Variants in PSG1 observed in about 807,000 individuals in gnomAD.
PSG1 encodes the protein pregnancy-specific beta-1-glycoprotein 1.
Under a neutral mutation model 41.4 loss-of-function variants are expected in PSG1, and 60 were observed. The ratio of observed to expected loss-of-function variants is 1.45; its 90% CI spans 1.18 to 1.80. The LOEUF is 1.80. PSG1 is among the 40% of genes most tolerant of loss of function. The pLI, the probability that PSG1 is intolerant of heterozygous loss-of-function variation, is 0.00. For missense variants in PSG1, 806 were observed against 516.9 expected (o/e 1.56, Z -5.42); for synonymous variants, 256 against 192.9 (o/e 1.33, Z -2.71).
chr19:42,866,809 C>T lies in PSG1; in HGVS notation c.*325G>A, dbSNP rs536280302. ...AATTCTAATGACTGCATTATCCTGC[C>T]AAGTGAAAGAGGCAGGCATGAGCAA... is the stretch of plus-strand genomic sequence containing the variant. On this transcript the variant is annotated 3_prime_UTR_variant, in exon 6 of 6. Transcript: ENST00000436291. The T allele has an allele frequency of 2.4e-5, 14 of 577,962 alleles. No individual in the cohort carries two copies. The highest frequency in any genetic ancestry group is 5.9e-5 in the Admixed American group (2 of 33,948). 35.8% of individuals were successfully genotyped at this position (577,962 alleles called of 1,614,324 possible).
At position 42,868,928 on chromosome 19, in the gene PSG1, A is replaced by C. The variant is rs151175915; in HGVS notation, c.816T>G (p.Ile272Met). ...GGAGGCTCTGACCATTTAGCCACCA[A>C]ATGTAGGTGTAGTTCTCACTCTTAG... Reference protein sequence around the residue: ...CEPKSENYTYIWWLNGQSLPV... With the variant: ...CEPKSENYTYMWWLNGQSLPV... The change falls in exon 4 of 6, where the codon ATT (isoleucine) becomes ATG (methionine). Residue 272 changes from isoleucine (I) to methionine (M), a missense_variant. By Grantham distance (10) the Ile-to-Met change is conservative. Coordinates refer to ENST00000436291, the MANE Select transcript of PSG1 (RefSeq NM_001184825.2). The C allele has an allele frequency of 4.4e-3, 7,008 of 1,610,250 alleles. 332 individuals are homozygous for C. The African/African-American group carries it at 0.082, about 19-fold the overall frequency.
rs905620248 is a variant in PSG1 at position 42,877,860 on chromosome 19, A to T, written c.430+53T>A. ...AGGCCTGACAATCCTGTGTGTGTGA[A>T]GTAGAAGTGACCCCTGTCCCCCAAC... On this transcript the variant is annotated intron_variant, in intron 2 of 5. Coordinates refer to ENST00000436291, the MANE Select transcript of PSG1 (RefSeq NM_001184825.2). 6.9e-5 allele frequency: 111 copies of T among 1,611,198 alleles called. 3 individuals carry two copies. Among genetic ancestry groups the T allele is most frequent in the Non-Finnish European group, 8.8e-5 (104 of 1,178,222 alleles).
Position 42,868,370 on chromosome 19 carries a change from A to G in PSG1, c.989-15T>C, listed in dbSNP as rs761306616. 4 of 1,598,880 alleles carry G rather than the reference A, an allele frequency of 2.5e-6. No homozygotes were observed. The highest frequency in any genetic ancestry group is 4.5e-5 in the East Asian group (2 of 44,670). On this transcript the variant is annotated splice_polypyrimidine_tract_variant and intron_variant, in intron 4 of 5. Coordinates refer to ENST00000436291, the MANE Select transcript of PSG1 (RefSeq NM_001184825.2). The stretch of plus-strand genomic sequence containing the variant: ...GTCTGGACCATCTGGAGCAAAGAGA[A>G]TAAAGCCACAGGTGATGTCATCTGA...
At chr19:42,872,876 G>A (rs975308448) in intron 2 of PSG1, among the ~76,000 whole-genome samples, 1 of 151,818 alleles carries the variant, frequency 6.6e-6, no homozygotes, top group Non-Finnish European at 1.5e-5. Context: ...TGGTGGAAAG[G>A]GCGATCATGA....
chr19:42,878,069 C>A lies in PSG1; in HGVS notation c.274G>T (p.Gly92Trp). 1 of 1,612,280 alleles carries A rather than the reference C, an allele frequency of 6.2e-7. No homozygotes were observed. Among genetic ancestry groups the A allele is most frequent in the Non-Finnish European group, 8.5e-7 (1 of 1,179,134 alleles). ...GTTTCTCGTCCACTATATGCAGGCC[C>A]ATATATAATTATTTCACCGTCTACT... is the stretch of plus-strand genomic sequence containing the variant. The part of the protein sequence containing the change: ...YVVDGEIIIY[G>W]PAYSGRETAY... The change falls in exon 2 of 6, where the codon GGG becomes TGG. Residue 92 changes from glycine (G) to tryptophan (W), a missense_variant. Transcript: ENST00000436291.
Position 42,867,001 on chromosome 19 carries a change from T to C in PSG1, c.*133A>G. On this transcript the variant is annotated 3_prime_UTR_variant, in exon 6 of 6. Transcript: ENST00000436291. ...TTGGTGAGTTCTGAGTGGCTCATGCTTCACGTACAAGGGTTTTCCCATGAA... is the reference window on the plus strand; with the variant it reads ...TTGGTGAGTTCTGAGTGGCTCATGCCTCACGTACAAGGGTTTTCCCATGAA... 1.3e-6 allele frequency: 1 copy of C among 764,624 alleles called. No individual in the cohort carries two copies. The highest frequency in any genetic ancestry group is 2.4e-6 in the Non-Finnish European group (1 of 417,196). 47.4% of individuals were successfully genotyped at this position (764,624 alleles called of 1,614,324 possible).
intron 3 of PSG1, 47 bp from the exon 4 acceptor site, chr19:42,869,081 T>C: frequency 6.3e-7 from 1 of 1,596,182 alleles, no homozygotes; most frequent in Admixed American, 1.7e-5. Flanking sequence ...CACCTTTGAT[T>C]CCTCCACAGG....
chr19:42,871,744 A>T, intron 3 of PSG1, 23 bp downstream of exon 3: 2 of 1,612,670 alleles, frequency 1.2e-6, no homozygotes, highest in South Asian at 2.2e-5. Context: ...AGCCTGGCTC[A>T]CAGAGGAACA....
chr19:42,870,979 T>C (rs768575473), intron 3 of PSG1, among the ~76,000 whole-genome samples: 15 of 151,454 alleles, frequency 9.9e-5, no homozygotes, highest in Non-Finnish European at 1.6e-4. Context: ...GGTTTTGGAG[T>C]AGAAACATAT....
chr19:42,877,933 C>T lies in PSG1; in HGVS notation c.410G>A (p.Arg137His), dbSNP rs1071707. Residue 137 changes from arginine (R) to histidine (H), a missense_variant, in exon 2 of 6, where the codon CGT (arginine) becomes CAT (histidine). Coordinates refer to ENST00000436291, the MANE Select transcript of PSG1 (RefSeq NM_001184825.2). ...GDDGTRGVTG[R>H]FTFTLHLETP... ...CTTACGGTGTAAGGTGAAGGTGAAACGTCCAGTTACTCCTCTAGTCCCATC... is the reference window on the plus strand; with the variant it reads ...CTTACGGTGTAAGGTGAAGGTGAAATGTCCAGTTACTCCTCTAGTCCCATC... The T allele has an allele frequency of 2.0e-4, 316 of 1,612,164 alleles. 9 individuals are homozygous for T. The highest frequency in any genetic ancestry group is 4.0e-4 in the African/African-American group (30 of 74,760).
chr19:42,876,314 C>A (rs1021051388), intron 2 of PSG1, among the ~76,000 whole-genome samples: 3 of 151,312 alleles, frequency 2.0e-5, no homozygotes, highest in Non-Finnish European at 3.0e-5. Flanking sequence ...GTTCCATAGT[C>A]CAGGACCAAG....
At chr19:42,867,948 T>C in intron 5 of PSG1, 153 bp downstream of exon 5, 2 of 1,564,350 alleles carry the variant, frequency 1.3e-6, no homozygotes, top group African/African-American at 1.4e-5. Flanking sequence ...TCGAAGTTCT[T>C]AGACAAATTT....
At chr19:42,871,417 T>A (rs1424039511) in intron 3 of PSG1, among the ~76,000 whole-genome samples, 1 of 151,588 alleles carries the variant, frequency 6.6e-6, no homozygotes. Flanking sequence ...GGGAAAATCC[T>A]GGTCTGTGGA....
intron 2 of PSG1, among the ~76,000 whole-genome samples, chr19:42,874,736 G>A (rs779330797): frequency 1.1e-4 from 17 of 151,508 alleles, no homozygotes; most frequent in Non-Finnish European, 1.5e-4. Flanking sequence ...CTTGTTATAC[G>A]CCTGTCAGGA....
rs532862268 is a variant in PSG1, at chr19:42,866,824, G to T, written c.*310C>A. 1.4e-4 allele frequency: 85 copies of T among 591,844 alleles called. No individual in the cohort carries two copies. The highest frequency in any genetic ancestry group is 2.3e-4 in the Non-Finnish European group (76 of 330,728). 36.7% of individuals were successfully genotyped at this position (591,844 alleles called of 1,614,324 possible). Reference sequence around the variant, plus strand: ...ATTATCCTGCCAAGTGAAAGAGGCAGGCATGAGCAAGGACAGTTAAGAGGG... The same window carrying T: ...ATTATCCTGCCAAGTGAAAGAGGCATGCATGAGCAAGGACAGTTAAGAGGG... On this transcript the variant is annotated 3_prime_UTR_variant, in exon 6 of 6. Coordinates refer to ENST00000436291, the MANE Select transcript of PSG1 (RefSeq NM_001184825.2).
chr19:42,871,637 G>C, intron 3 of PSG1, 130 bp downstream of exon 3: 1 of 1,604,330 alleles, frequency 6.2e-7, no homozygotes, highest in Non-Finnish European at 8.5e-7. Flanking sequence ...GGGGCACAAA[G>C]TCATGGCCAG....
Position 42,877,917 on chromosome 19 carries a change from TA to T in PSG1, c.425del (p.Leu142TyrfsTer15). 1 of 1,612,084 alleles carries T rather than the reference TA, an allele frequency of 6.2e-7. No individual in the cohort carries two copies. The highest frequency in any genetic ancestry group is 1.1e-5 in the South Asian group (1 of 90,782). ...GGATCATGTGGAATCACTTACGGTG[TA>T]AGGTGAAGGTGAAACGTCCAGTTAC... ...RGVTGRFTFTLHLETPKPSIS... is the reference protein window; with the variant it reads ...RGVTGRFTFTXHLETPKPSIS... On this transcript the variant is annotated frameshift_variant, in exon 2 of 6. Transcript: ENST00000436291. LOFTEE classifies it high-confidence loss of function.
rs1971275068 is a variant in PSG1, at chr19:42,869,173, A to G, written c.710-139T>C. The G allele has an allele frequency of 8.0e-6, 12 of 1,498,216 alleles. No individual in the cohort carries two copies. In the East Asian group the frequency reaches 2.5e-4, roughly 31 times the overall value. The allele number at this position is 1,498,216 out of a possible 1,614,324, so 92.8% of individuals were successfully genotyped here. ...GCCAATAGCTGGTGCTTTTGTCACA[A>G]GATAGATGCATGATGATCTAAGGGC... On this transcript the variant is annotated intron_variant, in intron 3 of 5. Coordinates refer to ENST00000436291, the MANE Select transcript of PSG1 (RefSeq NM_001184825.2).
intron 1 of PSG1, among the ~76,000 whole-genome samples, chr19:42,879,064 A>C (rs1395284887): frequency 1.3e-5 from 2 of 151,560 alleles, no homozygotes; most frequent in Non-Finnish European, 2.9e-5. Flanking sequence ...ATTCCGGTCC[A>C]ATACGACTTT....
Sources: gnomAD v4.1 joint callset for allele counts (sites outside exome capture counted in the v4.1 genomes callset) on GRCh38, gnomAD v4.1.1 for gene constraint, MANE v1.5 for transcripts, NCBI Gene and HGNC (gene_info 2026-07-23, HGNC 2026-07-21) for gene names.